JDP2: variants seen among roughly 807,000 people sequenced by gnomAD.
The protein encoded by JDP2 is progesterone receptor co-activator.
A neutral mutation model predicts 17.1 loss-of-function variants in JDP2; 9 were observed. The ratio of observed to expected loss-of-function variants is 0.53; its 90% CI spans 0.32 to 0.92. JDP2 has a LOEUF of 0.92. Ranked by LOEUF, JDP2 falls within the 40% of genes least tolerant of loss-of-function variation. The probability of loss-of-function intolerance (pLI) is 0.04; values close to 1 mark genes in which losing one functional copy is unlikely to be tolerated. For missense variants in JDP2, 179 were observed against 220.0 expected, an observed-to-expected ratio of 0.81 and a Z score of 1.18; for synonymous variants, 107 against 95.6, an observed-to-expected ratio of 1.12 and a Z score of -0.69.
At chr14:75,463,116 C>T (rs995005220) in intron 3 of JDP2, among the ~76,000 whole-genome samples, 6 of 152,244 alleles carry the variant, frequency 3.9e-5, no homozygotes, top group East Asian at 1.9e-4. Flanking sequence ...AGGCAAGATA[C>T]GCCCTAGCGG....
At chr14:75,443,366 T>C (rs1401829347) in intron 2 of JDP2, among the ~76,000 whole-genome samples, 3 of 152,198 alleles carry the variant, frequency 2.0e-5, no homozygotes. Flanking sequence ...CTTTGCATAA[T>C]TGGTTTTTAA....
chr14:75,433,363 AAGCTT>A (rs568785903), intron 1 of JDP2, among the ~76,000 whole-genome samples: 174 of 150,508 alleles, frequency 1.2e-3, no homozygotes, highest in African/African-American at 4.1e-3. Context: ...CCAGAGGAAA[AAGCTT>A]AATAAGTTAC....
At chr14:75,459,761 C>T (rs1886273179) in intron 2 of JDP2, among the ~76,000 whole-genome samples, 1 of 152,146 alleles carries the variant, frequency 6.6e-6, no homozygotes, top group South Asian at 2.1e-4. Flanking sequence ...CTGGTCTGTC[C>T]CCAGCCCAGC....
intron 1 of JDP2, among the ~76,000 whole-genome samples, chr14:75,437,045 T>A (rs1325075667): frequency 6.6e-6 from 1 of 152,050 alleles, no homozygotes; most frequent in African/African-American, 2.4e-5. Context: ...AATACAAAAA[T>A]TAGCTGGGCG....
At chr14:75,432,254 T>G in intron 1 of JDP2, 1 of 1,480,836 alleles carries the variant, frequency 6.8e-7, no homozygotes, top group South Asian at 1.2e-5. Flanking sequence ...GTCATTCAGA[T>G]TCCAAGAGAG....
At chr14:75,437,329 A>G (rs1415742386) in intron 1 of JDP2, among the ~76,000 whole-genome samples, 1 of 152,160 alleles carries the variant, frequency 6.6e-6, no homozygotes, top group Admixed American at 6.5e-5. Context: ...TCTCCTACTC[A>G]GGGTGTCTTA....
rs1009617259 is a variant in JDP2, at chr14:75,438,174, A to G, written c.201+53A>G. 4.4e-6 allele frequency: 6 copies of G among 1,371,272 alleles called. No individual in the cohort carries two copies. The African/African-American group carries it at 5.7e-5, about 13-fold the overall frequency. 84.9% of individuals were successfully genotyped at this position (1,371,272 alleles called of 1,614,324 possible). On this transcript the variant is annotated intron_variant, in intron 2 of 3. Transcript: ENST00000651602. ...TTCCAGGTCTGGCCTTAAACCCACC[A>G]TGGGACCTTAACCTTGCTGTTCAAA...
At chr14:75,437,172 CAAAAAA>C (rs11302124) in intron 1 of JDP2, among the ~76,000 whole-genome samples, 1 of 97,988 alleles carries the variant, frequency 1.0e-5, no homozygotes, top group Non-Finnish European at 2.1e-5. Context: ...CCAGCCTGGG[CAAAAAA>C]AAAAAAAAAA....
intron 1 of JDP2, among the ~76,000 whole-genome samples, chr14:75,431,024 C>G (rs1010158516): frequency 2.6e-5 from 4 of 152,098 alleles, no homozygotes; most frequent in African/African-American, 9.7e-5. Context: ...AAAGCTTCAG[C>G]TGGCCAGTGG....
intron 2 of JDP2, among the ~76,000 whole-genome samples, chr14:75,450,046 T>G (rs1885779358): frequency 6.6e-6 from 1 of 152,132 alleles, no homozygotes. Context: ...GGCCTGTTGT[T>G]TTTGGGGTTC....
At chr14:75,460,624 C>T (rs911173614) in intron 2 of JDP2, among the ~76,000 whole-genome samples, 5 of 152,208 alleles carry the variant, frequency 3.3e-5, no homozygotes, top group Admixed American at 2.6e-4. Context: ...TCGTCACCGC[C>T]CGTTGGGTGC....
At chr14:75,448,144 A>G (rs1885691187) in intron 2 of JDP2, among the ~76,000 whole-genome samples, 1 of 152,350 alleles carries the variant, frequency 6.6e-6, no homozygotes. Context: ...TTGAATGACT[A>G]TAATAAGGAT....
chr14:75,461,512 C>T lies in JDP2; in HGVS notation c.288C>T (p.Arg96=). The change falls in exon 3 of 4, where the codon CGC becomes CGT. Residue 96 remains arginine (R), a synonymous_variant. Transcript: ENST00000651602. ...GATGCCGGAACAAGAAGAAGGAGCGCACGGAGTTTCTGCAGCGGGTGAGCT... is the reference window on the plus strand; with the variant it reads ...GATGCCGGAACAAGAAGAAGGAGCGTACGGAGTTTCTGCAGCGGGTGAGCT... ...AARCRNKKKE[R]TEFLQRESER... is the part of the protein sequence containing the mutation. The T allele has an allele frequency of 1.2e-6, 2 of 1,606,590 alleles. No homozygotes were observed. The highest frequency in any genetic ancestry group is 3.6e-4 in the Middle Eastern group (2 of 5,608).
chr14:75,444,873 T>G (rs1594955732), intron 2 of JDP2, among the ~76,000 whole-genome samples: 1 of 152,376 alleles, frequency 6.6e-6, no homozygotes, highest in East Asian at 1.9e-4. Flanking sequence ...TTATGCAGTT[T>G]AGACGCAGCT....
chr14:75,437,906 G>A lies in JDP2; in HGVS notation c.-15G>A, dbSNP rs1301789934. The stretch of plus-strand genomic sequence containing the variant: ...TTTCCTGCCCACTCCAGGCTGGCCT[G>A]CCACTCCTCCTGCTATGATGCCTGG... On this transcript the variant is annotated 5_prime_UTR_variant, in exon 2 of 4. Transcript: ENST00000651602. 2 of 1,594,316 alleles carry A rather than the reference G, an allele frequency of 1.3e-6. No homozygotes were observed. Among genetic ancestry groups the A allele is most frequent in the Non-Finnish European group, 1.7e-6 (2 of 1,169,256 alleles).
In JDP2 at chr14:75,470,232, A is replaced by G. The variant is rs962111232; in HGVS notation, c.*757A>G. Reference sequence around the variant, plus strand: ...AAAAGATTTTATACAAGCAATATATATATGGATTTCTATAATCACTCGATG... The same window carrying G: ...AAAAGATTTTATACAAGCAATATATGTATGGATTTCTATAATCACTCGATG... On this transcript the variant is annotated 3_prime_UTR_variant, in exon 4 of 4. Coordinates refer to ENST00000651602, the MANE Select transcript of JDP2 (RefSeq NM_001135048.2). 1 of 148,312 alleles carries G rather than the reference A, an allele frequency of 6.7e-6. No individual in the cohort carries two copies. The highest frequency in any genetic ancestry group is 1.5e-5 in the Non-Finnish European group (1 of 67,364). The allele number at this position is 148,312 out of a possible 1,614,324, so 9.2% of individuals were successfully genotyped here.
intron 1 of JDP2, among the ~76,000 whole-genome samples, chr14:75,435,364 AG>A (rs1216622362): frequency 6.6e-6 from 1 of 152,192 alleles, no homozygotes; most frequent in Non-Finnish European, 1.5e-5. Context: ...GCTCCCATGC[AG>A]GCTACCGTGG....
chr14:75,432,649 C>T (rs970634053), intron 1 of JDP2, among the ~76,000 whole-genome samples: 2 of 152,254 alleles, frequency 1.3e-5, no homozygotes, highest in African/African-American at 4.8e-5. Flanking sequence ...CTCGTGGCAG[C>T]CCAAGCCAGC....
At chr14:75,443,717 C>T (rs919499491) in intron 2 of JDP2, among the ~76,000 whole-genome samples, 14 of 152,116 alleles carry the variant, frequency 9.2e-5, no homozygotes, top group Admixed American at 2.6e-4. Context: ...AATCAGAAGT[C>T]GGTCACACCC....
Sources: allele counts gnomAD v4.1 joint callset (sites outside exome capture counted in the v4.1 genomes callset), GRCh38; gene constraint gnomAD v4.1.1; transcripts MANE v1.5; gene names NCBI Gene and HGNC (gene_info 2026-07-23, HGNC 2026-07-21).